Variants in PCDHA2 observed in about 807,000 individuals in gnomAD.
PCDHA2 encodes protocadherin alpha 2, also known as protocadherin alpha-2.
A neutral mutation model predicts 66.0 loss-of-function variants in PCDHA2; 58 were observed. The ratio of observed to expected loss-of-function variants is 0.88; its 90% CI spans 0.71 to 1.09. The LOEUF (loss-of-function observed/expected upper bound fraction) is 1.09. Ranked by LOEUF, PCDHA2 falls within the 50% of genes least tolerant of loss-of-function variation. PCDHA2 has a pLI of 0.00. For missense variants in PCDHA2, 1,267 were observed against 1,242.3 expected, an observed-to-expected ratio of 1.02 and a Z score of -0.30; for synonymous variants, 634 against 554.0, an observed-to-expected ratio of 1.14 and a Z score of -2.03.
At chr5:140,928,276 G>T in intron 1 of PCDHA2, 1 of 1,614,172 alleles carries the variant, frequency 6.2e-7, no homozygotes, top group Non-Finnish European at 8.5e-7. Context: ...TGGCCCTGGG[G>T]CCTCTCTAGG....
chr5:140,900,831 T>G (rs1554189475), intron 1 of PCDHA2, among the ~76,000 whole-genome samples: 1 of 152,198 alleles, frequency 6.6e-6, no homozygotes, highest in Non-Finnish European at 1.5e-5. Context: ...CCACCAACAA[T>G]GTACAAAGTT....
chr5:140,799,710 A>C (rs1408412651), intron 1 of PCDHA2, among the ~76,000 whole-genome samples: 1 of 152,148 alleles, frequency 6.6e-6, no homozygotes, highest in Non-Finnish European at 1.5e-5. Flanking sequence ...AAATCTGAGT[A>C]AGTTGCAGTC....
intron 1 of PCDHA2, chr5:140,877,122 G>C: frequency 2.5e-6 from 4 of 1,613,718 alleles, no homozygotes; most frequent in Non-Finnish European, 3.4e-6. Context: ...GCAACGTGAC[G>C]CTGCAGGTGT....
rs782492418 is a variant in PCDHA2 at position 140,858,271 on chromosome 5, C to T, written c.2388+60919C>T. On this transcript the variant is annotated intron_variant, in intron 1 of 3. Coordinates refer to ENST00000526136, the MANE Select transcript of PCDHA2 (RefSeq NM_018905.3). ...TGAAGCCCACGCTGGTGTGCTCTAGCGCGGTGGGGAGCTGGTCTTACTCGC... is the reference window on the plus strand; with the variant it reads ...TGAAGCCCACGCTGGTGTGCTCTAGTGCGGTGGGGAGCTGGTCTTACTCGC... 2.3e-5 allele frequency: 37 copies of T among 1,597,010 alleles called. 3 individuals are homozygous for T. The highest frequency in any genetic ancestry group is 8.4e-5 in the Admixed American group (5 of 59,172).
chr5:140,997,124 C>T (rs933067358), intron 3 of PCDHA2, among the ~76,000 whole-genome samples: 2 of 152,074 alleles, frequency 1.3e-5, no homozygotes, highest in Non-Finnish European at 2.9e-5. Context: ...CCCACATACA[C>T]AATGCCCCCA....
At chr5:140,862,765 T>A in intron 1 of PCDHA2, 1 of 576,704 alleles carries the variant, frequency 1.7e-6, no homozygotes. Context: ...CGGCAAGAGG[T>A]ACGCGTTGCA....
chr5:140,930,594 A>G (rs1554207944), intron 1 of PCDHA2: 2 of 152,716 alleles, frequency 1.3e-5, no homozygotes, highest in East Asian at 3.9e-4. Flanking sequence ...GACTTCTCAT[A>G]GAAATCCTAG....
At chr5:140,990,662 T>C (rs1554251660) in intron 3 of PCDHA2, among the ~76,000 whole-genome samples, 1 of 152,182 alleles carries the variant, frequency 6.6e-6, no homozygotes, top group African/African-American at 2.4e-5. Context: ...ATGATTTACA[T>C]TAGATGCACA....
chr5:140,967,215 G>T (rs782646028), intron 1 of PCDHA2: 1 of 1,613,682 alleles, frequency 6.2e-7, no homozygotes, highest in Non-Finnish European at 8.5e-7. Context: ...CGTTTCCCGC[G>T]GCCCAACTAC....
At chr5:140,800,478 G>A (rs1185491265) in intron 1 of PCDHA2, among the ~76,000 whole-genome samples, 1 of 152,102 alleles carries the variant, frequency 6.6e-6, no homozygotes, top group African/African-American at 2.4e-5. Flanking sequence ...AATATATACA[G>A]CACACACACA....
At chr5:140,863,336 T>A (rs782350790) in intron 1 of PCDHA2, 1 of 1,385,482 alleles carries the variant, frequency 7.2e-7, no homozygotes, top group Admixed American at 1.8e-5. Flanking sequence ...GTGCTCACGT[T>A]GCTGCTGTAC....
intron 1 of PCDHA2, chr5:140,928,951 G>C (rs2032668535): frequency 6.2e-7 from 1 of 1,614,028 alleles, no homozygotes; most frequent in Non-Finnish European, 8.5e-7. Flanking sequence ...TTTAGTAATT[G>C]CCTTGGCTTG....
chr5:140,896,536 CTT>C (rs34213614), intron 1 of PCDHA2, among the ~76,000 whole-genome samples: 1 of 145,640 alleles, frequency 6.9e-6, no homozygotes. Flanking sequence ...AGCTATTTTT[CTT>C]TTTTTTTTTT....
At chr5:140,839,353 G>A (rs1421791877) in intron 1 of PCDHA2, among the ~76,000 whole-genome samples, 1 of 144,986 alleles carries the variant, frequency 6.9e-6, no homozygotes, top group Non-Finnish European at 1.5e-5. Context: ...ATCCTCCTTA[G>A]CCACCTAAGC....
intron 1 of PCDHA2, chr5:140,801,975 C>A: frequency 1.2e-6 from 2 of 1,614,164 alleles, no homozygotes; most frequent in Non-Finnish European, 1.7e-6. Context: ...AAATGGTACC[C>A]TAGTGGTGAC....
intron 1 of PCDHA2, among the ~76,000 whole-genome samples, chr5:140,888,878 T>G (rs1280508372): frequency 6.6e-6 from 1 of 152,132 alleles, no homozygotes; most frequent in African/African-American, 2.4e-5. Flanking sequence ...ACATAAAAAT[T>G]AAAACATTAG....
At chr5:140,926,115 A>G (rs1554203115) in intron 1 of PCDHA2, among the ~76,000 whole-genome samples, 1 of 152,134 alleles carries the variant, frequency 6.6e-6, no homozygotes, top group East Asian at 1.9e-4. Context: ...AGGGTGCAGG[A>G]CAGACTTCAA....
At chr5:140,905,197 T>A (rs2071673542) in intron 1 of PCDHA2, among the ~76,000 whole-genome samples, 1 of 152,220 alleles carries the variant, frequency 6.6e-6, no homozygotes. Flanking sequence ...TTGATCCATC[T>A]TGAGTTGATT....
chr5:140,874,360 A>T (rs2054861600), intron 1 of PCDHA2, among the ~76,000 whole-genome samples: 2 of 152,234 alleles, frequency 1.3e-5, no homozygotes. Context: ...TGAATTAATG[A>T]ATAAACTCAT....
Sources: gnomAD v4.1 joint callset for allele counts (sites outside exome capture counted in the v4.1 genomes callset) on GRCh38, gnomAD v4.1.1 for gene constraint, MANE v1.5 for transcripts, NCBI Gene and HGNC (gene_info 2026-07-23, HGNC 2026-07-21) for gene names.